ZNF280D: variants seen among roughly 807,000 people sequenced by gnomAD.
ZNF280D encodes the protein zinc finger protein 280D, also known as suppressor of hairy wing homolog 4.
In ZNF280D, 39 loss-of-function variants were observed where a neutral mutation model predicts 94.7. The ratio of observed to expected loss-of-function variants is 0.41; its 90% CI spans 0.32 to 0.54. The LOEUF (loss-of-function observed/expected upper bound fraction) is 0.54. Ranked by LOEUF, ZNF280D falls within the 20% of genes least tolerant of loss-of-function variation. The pLI is 0.22. For synonymous variants in ZNF280D, 398 were observed against 377.6 expected (o/e 1.05, Z -0.63); for missense variants, 1,090 against 1,149.3 (o/e 0.95, Z 0.75).
chr15:56,689,612 T>C, intron 7 of ZNF280D, 142 bp from the exon 8 acceptor site: 1 of 521,810 alleles, frequency 1.9e-6, no homozygotes. Flanking sequence ...CTTGATATGA[T>C]CCAAACTCAA....
At position 56,689,470 on chromosome 15, in the gene ZNF280D, C is replaced by A. The variant is rs755780566; in HGVS notation, c.500G>T (p.Gly167Val). The change falls in exon 8 of 22, where the codon GGT becomes GTT. Residue 167 changes from glycine to valine, a missense_variant and splice_region_variant. Physicochemically the swap from Gly to Val is moderately radical, Grantham distance 109. Around this residue, in one of 3 missense-constraint regions of ZNF280D, gnomAD observed 386 missense variants for 372.0 expected, o/e 1.04. Coordinates refer to ENST00000267807, the MANE Select transcript of ZNF280D (RefSeq NM_017661.4). ...TGATAAAAATGAACTTTCACTCATA[C>A]CTACAATAATTTAAATAGTGAGAAA... is the stretch of plus-strand genomic sequence containing the variant. ...YQGGPTLSMA[G>V]MSESSFLSKR... The A allele has an allele frequency of 2.7e-6, 4 of 1,498,158 alleles. No individual in the cohort carries two copies. The highest frequency in any genetic ancestry group is 1.4e-5 in the South Asian group (1 of 72,276). The allele number at this position is 1,498,158 out of a possible 1,614,324, so 92.8% of individuals were successfully genotyped here. A position where few individuals can be genotyped will look rare whatever the true frequency, so the allele number is the denominator to read the frequency against.
chr15:56,657,903 T>C (rs1007138581), intron 17 of ZNF280D, among the ~76,000 whole-genome samples: 2 of 152,022 alleles, frequency 1.3e-5, no homozygotes, highest in Admixed American at 6.6e-5. Context: ...TACATGTCCA[T>C]ACAAAAACAT....
At chr15:56,715,321 A>G (rs2141337847) in intron 1 of ZNF280D, among the ~76,000 whole-genome samples, 1 of 152,272 alleles carries the variant, frequency 6.6e-6, no homozygotes, top group South Asian at 2.1e-4. Flanking sequence ...TGGTTCAAAC[A>G]TACAGTGTAT....
chr15:56,725,074 T>G (rs1252679079), intron 1 of ZNF280D: 2 of 279,082 alleles, frequency 7.2e-6, no homozygotes, highest in African/African-American at 4.4e-5. Context: ...CAGGCCTCTC[T>G]CAAGCCCCTC....
rs760771032 is a variant in ZNF280D at position 56,666,412 on chromosome 15, A to G, written c.1977T>C (p.Tyr659=). 3.1e-6 allele frequency: 5 copies of G among 1,609,158 alleles called. No individual in the cohort carries two copies. The African/African-American group carries it at 6.7e-5, about 22-fold the overall frequency. The part of the protein sequence containing the change: ...CRYNTSCSKA[Y]VNHMMSFHSN... Reference sequence around the variant, plus strand: ...CATCTTACCTCATCATATGATTTACATAGGCTTTGCTACAGCTAGTGTTGT... The same window carrying G: ...CATCTTACCTCATCATATGATTTACGTAGGCTTTGCTACAGCTAGTGTTGT... The change falls in exon 16 of 22, where the codon TAT becomes TAC. Residue 659 remains tyrosine (Y), a synonymous_variant. Transcript: ENST00000267807.
At chr15:56,702,037 A>AC (rs1428983779) in intron 4 of ZNF280D, among the ~76,000 whole-genome samples, 5 of 150,878 alleles carry the variant, frequency 3.3e-5, no homozygotes, top group African/African-American at 1.2e-4. Context: ...AAAAAAAAAA[A>AC]AAACCACCCA....
intron 16 of ZNF280D, among the ~76,000 whole-genome samples, chr15:56,662,137 TAAAG>T (rs1303712425): frequency 6.6e-6 from 1 of 152,092 alleles, no homozygotes; most frequent in Non-Finnish European, 1.5e-5. Flanking sequence ...CTCTTTTATG[TAAAG>T]AAAAATGCTT....
rs761646266 is a variant in ZNF280D, at chr15:56,700,790, T to TA, written c.381+142dup. 4.8e-5 allele frequency: 74 copies of TA among 1,544,640 alleles called. No individual in the cohort carries two copies. In the African/African-American group the frequency reaches 8.9e-4, roughly 19 times the overall value. On this transcript the variant is annotated intron_variant, in intron 6 of 21. Coordinates refer to ENST00000267807, the MANE Select transcript of ZNF280D (RefSeq NM_017661.4). ...GGGGTACTGCTTGAGCTAGCGAAAA[T>TA]ATGGTGACATTTTCTGATGCTAACT...
At chr15:56,671,723 T>C (rs2054877151) in intron 13 of ZNF280D, among the ~76,000 whole-genome samples, 1 of 152,148 alleles carries the variant, frequency 6.6e-6, no homozygotes, top group Admixed American at 6.6e-5. Context: ...ATGTCCATGG[T>C]AGTTTAATGG....
intron 17 of ZNF280D, among the ~76,000 whole-genome samples, chr15:56,655,436 G>A (rs1001072314): frequency 4.8e-5 from 2 of 42,034 alleles, no homozygotes; most frequent in Admixed American, 3.5e-4. Context: ...TCGAACTCCT[G>A]ACCTTGTGAT....
intron 19 of ZNF280D, among the ~76,000 whole-genome samples, chr15:56,646,308 T>C (rs1236658717): frequency 2.0e-5 from 3 of 151,876 alleles, no homozygotes; most frequent in African/African-American, 7.3e-5. Context: ...CATACCTGAG[T>C]CCCAGCTCAG....
At chr15:56,722,101 G>A (rs1344479337) in intron 1 of ZNF280D, among the ~76,000 whole-genome samples, 1 of 152,186 alleles carries the variant, frequency 6.6e-6, no homozygotes, top group Non-Finnish European at 1.5e-5. Flanking sequence ...GAGGAAACTA[G>A]GGAAGAGCTG....
intron 19 of ZNF280D, among the ~76,000 whole-genome samples, chr15:56,650,797 A>G (rs2053162844): frequency 6.6e-6 from 1 of 152,166 alleles, no homozygotes. Context: ...GATATACAAG[A>G]AAACAGAGGA....
At chr15:56,712,284 A>C (rs2057800403) in intron 1 of ZNF280D, among the ~76,000 whole-genome samples, 1 of 152,218 alleles carries the variant, frequency 6.6e-6, no homozygotes, top group Non-Finnish European at 1.5e-5. Flanking sequence ...TATCCAATTC[A>C]AAAGTACCAA....
intron 18 of ZNF280D, 42 bp downstream of exon 18, chr15:56,654,343 T>C: frequency 6.3e-7 from 1 of 1,595,248 alleles, no homozygotes. Context: ...AATACTGGAA[T>C]AAAAGTCAAA....
chr15:56,725,439 T>A (rs1239665832), intron 1 of ZNF280D, among the ~76,000 whole-genome samples: 1 of 152,172 alleles, frequency 6.6e-6, no homozygotes, highest in Non-Finnish European at 1.5e-5. Flanking sequence ...AAAAGTGTAT[T>A]TCTCAAAACA....
chr15:56,671,644 G>C (rs2054871359), intron 13 of ZNF280D, among the ~76,000 whole-genome samples: 1 of 152,072 alleles, frequency 6.6e-6, no homozygotes, highest in Admixed American at 6.6e-5. Flanking sequence ...GCTTAGGATT[G>C]ACTTGGCTAT....
chr15:56,644,326 G>A (rs1224359570), intron 19 of ZNF280D, among the ~76,000 whole-genome samples: 2 of 151,982 alleles, frequency 1.3e-5, no homozygotes, highest in African/African-American at 2.4e-5. Flanking sequence ...ATCACATCAA[G>A]TATACAGTAT....
intron 19 of ZNF280D, among the ~76,000 whole-genome samples, chr15:56,648,341 T>C (rs553554389): frequency 6.6e-6 from 1 of 152,080 alleles, no homozygotes; most frequent in East Asian, 1.9e-4. Flanking sequence ...GAACATAGGA[T>C]TGGGACAGTA....
Sources: gnomAD v4.1 joint callset for allele counts (sites outside exome capture counted in the v4.1 genomes callset) on GRCh38, gnomAD v4.1.1 for gene constraint, gnomAD v4.1.1 regional missense constraint, MANE v1.5 for transcripts, NCBI Gene and HGNC (gene_info 2026-07-23, HGNC 2026-07-21) for gene names.